BEAN1: variants seen among roughly 807,000 people sequenced by gnomAD.
BEAN1 encodes protein BEAN1.
Under a neutral mutation model 17.7 loss-of-function variants are expected in BEAN1, and 17 were observed. The observed-to-expected ratio is 0.96, with a 90% CI of 0.66 to 1.44. The LOEUF (loss-of-function observed/expected upper bound fraction) is 1.44. Among genes scored for constraint, BEAN1 ranks in the 40% most tolerant of loss-of-function variants. The pLI is 0.00. For missense variants in BEAN1, 359 were observed against 374.1 expected (o/e 0.96, Z 0.33); for synonymous variants, 142 against 151.8 (o/e 0.94, Z 0.47).
At chr16:66,460,695 A>C (rs1304277032) in intron 2 of BEAN1, among the ~76,000 whole-genome samples, 1 of 152,212 alleles carries the variant, frequency 6.6e-6, no homozygotes, top group Non-Finnish European at 1.5e-5. Flanking sequence ...AAGAAGCAAA[A>C]CATCATTTTG....
chr16:66,458,268 C>T (rs1347467502), intron 2 of BEAN1, among the ~76,000 whole-genome samples: 3 of 152,180 alleles, frequency 2.0e-5, no homozygotes, highest in Non-Finnish European at 4.4e-5. Context: ...GACTGTGGAG[C>T]TGCCTCCATG....
chr16:66,429,961 G>C (rs1271855305), intron 1 of BEAN1, among the ~76,000 whole-genome samples: 3 of 152,216 alleles, frequency 2.0e-5, no homozygotes, highest in Non-Finnish European at 4.4e-5. Flanking sequence ...TCAGAGGATA[G>C]GGTGAGGGGC....
chr16:66,470,661 G>A (rs1168373510), intron 3 of BEAN1, among the ~76,000 whole-genome samples: 1 of 152,190 alleles, frequency 6.6e-6, no homozygotes, highest in African/African-American at 2.4e-5. Flanking sequence ...CAGTTGTTGG[G>A]ATCACCCTTA....
chr16:66,448,691 C>T (rs539053579), intron 2 of BEAN1, among the ~76,000 whole-genome samples: 5 of 152,258 alleles, frequency 3.3e-5, no homozygotes, highest in South Asian at 4.1e-4. Flanking sequence ...GGTGTGGTGG[C>T]GGATGCCTGT....
chr16:66,439,114 G>A (rs1214802028), intron 2 of BEAN1, among the ~76,000 whole-genome samples: 1 of 152,180 alleles, frequency 6.6e-6, no homozygotes, highest in Non-Finnish European at 1.5e-5. Context: ...ACACTGGCAT[G>A]TCCCACCTGG....
intron 2 of BEAN1, among the ~76,000 whole-genome samples, chr16:66,458,543 G>T (rs2142411179): frequency 6.6e-6 from 1 of 152,174 alleles, no homozygotes; most frequent in South Asian, 2.1e-4. Context: ...ACAGAACGAG[G>T]AACAGAGCCC....
intron 1 of BEAN1, among the ~76,000 whole-genome samples, chr16:66,431,685 A>T (rs1020777359): frequency 7.2e-5 from 11 of 151,922 alleles, no homozygotes; most frequent in African/African-American, 2.7e-4. Context: ...TGTGTGTTTT[A>T]AAAAATAACA....
chr16:66,434,934 G>A lies in BEAN1; in HGVS notation c.-82-2661G>A, dbSNP rs1034295459. On this transcript the variant is annotated intron_variant, in intron 1 of 4. Coordinates refer to ENST00000536005, the MANE Select transcript of BEAN1 (RefSeq NM_001178020.3). The surrounding 1 kb of genome is among the most constrained non-coding windows in gnomAD (Gnocchi z 4.3). The stretch of plus-strand genomic sequence containing the variant: ...CACACTGACCCTCCATGCCCTCGAG[G>A]AGCTACTGGTCTAGAATAATTTAGA... Among the ~76,000 whole-genome samples the A allele has an allele frequency of 3.9e-5, 6 of 152,112 alleles. No homozygotes were observed. The highest frequency in any genetic ancestry group is 6.5e-5 in the Admixed American group (1 of 15,278).
chr16:66,474,571 AGGG>A, intron 3 of BEAN1, among the ~76,000 whole-genome samples: 1 of 62,548 alleles, frequency 1.6e-5, no homozygotes, highest in Admixed American at 1.9e-4. Context: ...GGAGGGAGAG[AGGG>A]AGGGAGAGAG....
In BEAN1 at chr16:66,482,796, A is replaced by G. The variant is rs1038295533; in HGVS notation, c.*1871A>G. On this transcript the variant is annotated 3_prime_UTR_variant, in exon 5 of 5. Transcript: ENST00000536005. ...TCTTTTCTGTGTTCAAAATAAATAC[A>G]TAATATCAATAAAATGTAGCAAGAA... 2.2e-6 allele frequency: 1 copy of G among 446,604 alleles called. No individual in the cohort carries two copies. The highest frequency in any genetic ancestry group is 4.5e-6 in the Non-Finnish European group (1 of 224,656). 27.7% of individuals were successfully genotyped at this position (446,604 alleles called of 1,614,324 possible).
chr16:66,450,050 A>G (rs1962612484), intron 2 of BEAN1, among the ~76,000 whole-genome samples: 1 of 152,242 alleles, frequency 6.6e-6, no homozygotes, highest in Admixed American at 6.5e-5. Context: ...ACTGAACTAA[A>G]TAGTGTAACC....
intron 2 of BEAN1, among the ~76,000 whole-genome samples, chr16:66,451,609 T>C (rs1962675566): frequency 1.3e-5 from 2 of 152,240 alleles, no homozygotes; most frequent in Non-Finnish European, 2.9e-5. Context: ...ATTTTGAATA[T>C]TTGATTGTCA....
chr16:66,472,979 A>G (rs1963542072), intron 3 of BEAN1, among the ~76,000 whole-genome samples: 1 of 152,120 alleles, frequency 6.6e-6, no homozygotes, highest in African/African-American at 2.4e-5. Flanking sequence ...TGATCTCACC[A>G]CTGCATGCCA....
intron 4 of BEAN1, chr16:66,477,946 C>A: frequency 2.4e-6 from 1 of 418,672 alleles, no homozygotes; most frequent in Non-Finnish European, 4.2e-6. Context: ...AAGCCCACCT[C>A]CTCAGGCTGT....
intron 3 of BEAN1, among the ~76,000 whole-genome samples, chr16:66,470,592 A>G (rs1226200484): frequency 6.6e-6 from 1 of 152,140 alleles, no homozygotes; most frequent in Non-Finnish European, 1.5e-5. Flanking sequence ...TGATGAGTGA[A>G]TAAAACTATC....
intron 2 of BEAN1, among the ~76,000 whole-genome samples, chr16:66,460,540 C>G (rs1424175277): frequency 6.6e-6 from 1 of 152,224 alleles, no homozygotes; most frequent in South Asian, 2.1e-4. Flanking sequence ...AGGCACCTGC[C>G]TGCTGTGGCC....
chr16:66,484,758 C>T, downstream of BEAN1: 1 of 453,890 alleles, frequency 2.2e-6, no homozygotes, highest in Non-Finnish European at 4.4e-6. The surrounding 1 kb of genome is among the most constrained non-coding windows in gnomAD (Gnocchi z 4.2). Context: ...TGAGCGCAGT[C>T]CCACTGGTGA....
exon 5 of BEAN1, chr16:66,493,229 GAGA>G (rs1473042230): frequency 4.3e-6 from 3 of 702,942 alleles, no homozygotes; most frequent in Non-Finnish European, 7.8e-6. Context: ...GCACAGCTCA[GAGA>G]AAAGGCTGGT....
chr16:66,469,381 G>A (rs1963378359), intron 2 of BEAN1, among the ~76,000 whole-genome samples: 1 of 152,208 alleles, frequency 6.6e-6, no homozygotes, highest in Non-Finnish European at 1.5e-5. Context: ...CAGAGGAGAG[G>A]AGGGACAGTC....
Sources: allele counts gnomAD v4.1 joint callset (sites outside exome capture counted in the v4.1 genomes callset), GRCh38; gene constraint gnomAD v4.1.1; non-coding constraint Gnocchi (gnomAD v3.1); transcripts MANE v1.5; gene names NCBI Gene and HGNC (gene_info 2026-07-23, HGNC 2026-07-21).